The following ZNFX1 variants were observed in gnomAD, a reference collection of about 807,000 sequenced individuals.
The protein encoded by ZNFX1 is NFX1-type zinc finger-containing protein 1.
A neutral mutation model predicts 179.8 loss-of-function variants in ZNFX1; 78 were observed. The ratio of observed to expected loss-of-function variants is 0.43; its 90% confidence interval spans 0.36 to 0.52. ZNFX1 has a LOEUF of 0.52. Ranked by LOEUF, ZNFX1 falls within the 20% of genes least tolerant of loss-of-function variation. The pLI, the probability that ZNFX1 is intolerant of heterozygous loss-of-function variation, is 0.00. For missense variants in ZNFX1, 1,927 were observed against 2,386.6 expected (o/e 0.81, Z 4.01); for synonymous variants, 848 against 868.5 (o/e 0.98, Z 0.42).
chr20:49,249,604 C>T lies in ZNFX1; in HGVS notation c.3420G>A (p.Leu1140=), dbSNP rs1980787003. 6.2e-7 allele frequency: 1 copy of T among 1,614,138 alleles called. No homozygotes were observed. The highest frequency in any genetic ancestry group is 1.7e-5 in the Admixed American group (1 of 60,012). The part of the protein sequence containing the change: ...NQHEAHFVVE[L]CKYFLCQEYL... ...ATTCCTGGCACAGGAAGTACTTGCA[C>T]AGCTCTACCACAAAGTGAGCCTCAT... The change falls in exon 14 of 14, where the codon CTG becomes CTA. Residue 1140 remains leucine (L), a synonymous_variant. Transcript: ENST00000396105.
chr20:49,275,948 A>C (rs1601000295), intron 1 of ZNFX1, 61 bp from the exon 2 acceptor site: 27 of 1,053,340 alleles, frequency 2.6e-5, no homozygotes, highest in East Asian at 4.9e-5. Flanking sequence ...AAACCCAAAC[A>C]CCATCAAGCC....
At chr20:49,258,252 C>T (rs946112101) in intron 7 of ZNFX1, among the ~76,000 whole-genome samples, 8 of 150,896 alleles carry the variant, frequency 5.3e-5, no homozygotes, top group Non-Finnish European at 1.2e-4. Context: ...TGCACCACCA[C>T]GCCCAGCTAA....
chr20:49,250,340 G>C (rs1361416332), intron 13 of ZNFX1, among the ~76,000 whole-genome samples: 1 of 152,150 alleles, frequency 6.6e-6, no homozygotes, highest in Non-Finnish European at 1.5e-5. Context: ...GGAGGATGAT[G>C]ATAATGACAG....
intron 12 of ZNFX1, 69 bp from the exon 13 acceptor site, chr20:49,251,691 G>C: frequency 1.4e-6 from 2 of 1,407,304 alleles, no homozygotes; most frequent in Non-Finnish European, 1.9e-6. Flanking sequence ...TTAAAGATAA[G>C]GTTGCTGTTA....
rs1278746573 is a variant in ZNFX1, at chr20:49,267,880, G to T, written c.1871-1614C>A. On this transcript the variant is annotated intron_variant, in intron 3 of 13. Transcript: ENST00000396105. ...CTTTCTTCATCCGTATAACAGTTTT[G>T]TTTTTTTTTTTGAGGTGGAGTCTTG... 3.7e-4 allele frequency among the ~76,000 whole-genome samples: 54 copies of T among 147,394 alleles called. 1 individual carries two copies. The South Asian group carries it at 7.8e-3, about 21-fold the overall frequency.
intron 8 of ZNFX1, 164 bp from the exon 9 acceptor site, chr20:49,256,111 A>C: frequency 1.1e-6 from 1 of 876,662 alleles, no homozygotes; most frequent in Non-Finnish European, 1.7e-6. Flanking sequence ...GTGGCTAAAC[A>C]AGGACTCTGG....
chr20:49,269,976 C>A lies in ZNFX1; in HGVS notation c.1836G>T (p.Arg612Ser). Reference sequence around the variant, plus strand: ...GAGGTCCTTGAATAATAGCCAGTTCCCTTGTGAGAGCAAACTGCAAGGCTT... The same window carrying A: ...GAGGTCCTTGAATAATAGCCAGTTCACTTGTGAGAGCAAACTGCAAGGCTT... ...QMEALQFALT[R>S]ELAIIQGPPG... The change falls in exon 3 of 14, where the codon AGG (arginine) becomes AGT (serine). Residue 612 changes from arginine to serine, a missense_variant. Physicochemically the swap from Arg to Ser is moderately radical, Grantham distance 110. Coordinates refer to ENST00000396105, the MANE Select transcript of ZNFX1 (RefSeq NM_021035.3). The A allele has an allele frequency of 2.5e-6, 4 of 1,612,488 alleles. No homozygotes were observed. The highest frequency in any genetic ancestry group is 3.4e-6 in the Non-Finnish European group (4 of 1,179,652).
Position 49,260,289 on chromosome 20 carries a change from CA to C in ZNFX1, c.2416+173del, listed in dbSNP as rs11396262. 3.2e-3 allele frequency among the ~76,000 whole-genome samples: 373 copies of C among 116,640 alleles called. 1 individual carries two copies. Among genetic ancestry groups the C allele is most frequent in the Middle Eastern group, 0.014 (3 of 220 alleles). 76.5% of individuals were successfully genotyped at this position (116,640 alleles called of 152,430 possible). On this transcript the variant is annotated intron_variant, in intron 7 of 13. Transcript: ENST00000396105. ...GGGCAACAAGAGTGAAACTCCATCTCAAAAAAAAAAAAAAAAAGTATTTTAT... is the reference window on the plus strand; with the variant it reads ...GGGCAACAAGAGTGAAACTCCATCTCAAAAAAAAAAAAAAAAGTATTTTAT...
chr20:49,247,946 T>C lies in ZNFX1; in HGVS notation c.5078A>G (p.Asn1693Ser), dbSNP rs1228721924. The C allele has an allele frequency of 1.1e-5, 17 of 1,613,674 alleles. No individual in the cohort carries two copies. The highest frequency in any genetic ancestry group is 1.4e-5 in the Non-Finnish European group (17 of 1,179,930). The change falls in exon 14 of 14, where the codon AAT (asparagine) becomes AGT (serine). Residue 1693 changes from asparagine (N) to serine (S), a missense_variant. Coordinates refer to ENST00000396105, the MANE Select transcript of ZNFX1 (RefSeq NM_021035.3). ...LMLKEKLAQK[N>S]LSVKDLGLVE... ...CAGACCCAGGTCCTTCACTGACAGA[T>C]TTTTCTGGGCCAGCTTCTCCTTTAA...
At chr20:49,263,951 C>A (rs995950692) in intron 5 of ZNFX1, among the ~76,000 whole-genome samples, 1 of 151,728 alleles carries the variant, frequency 6.6e-6, no homozygotes, top group Non-Finnish European at 1.5e-5. Context: ...GGGCCGGGCG[C>A]GGTGGCTCAC....
chr20:49,267,419 C>G (rs1422887026), intron 3 of ZNFX1, among the ~76,000 whole-genome samples: 1 of 152,000 alleles, frequency 6.6e-6, no homozygotes, highest in Non-Finnish European at 1.5e-5. Flanking sequence ...CCCATCTCAG[C>G]CTCCCAAGTA....
chr20:49,253,145 G>A (rs1188387805), intron 11 of ZNFX1, among the ~76,000 whole-genome samples: 1 of 152,120 alleles, frequency 6.6e-6, no homozygotes, highest in Non-Finnish European at 1.5e-5. Flanking sequence ...AATGGGGAGC[G>A]GAAAGGACAC....
intron 3 of ZNFX1, among the ~76,000 whole-genome samples, chr20:49,267,812 C>T (rs1389354522): frequency 1.3e-5 from 2 of 151,994 alleles, no homozygotes; most frequent in African/African-American, 4.8e-5. Flanking sequence ...TCAGTACATA[C>T]TTCCCACCTC....
chr20:49,267,345 T>C (rs746621473), intron 3 of ZNFX1, among the ~76,000 whole-genome samples: 4 of 152,124 alleles, frequency 2.6e-5, no homozygotes, highest in Admixed American at 1.3e-4. Flanking sequence ...GGCCCTATGT[T>C]GTCCAGACTG....
intron 13 of ZNFX1, 143 bp downstream of exon 13, chr20:49,251,384 G>A (rs1205182429): frequency 3.5e-6 from 2 of 570,710 alleles, no homozygotes; most frequent in Non-Finnish European, 6.2e-6. Flanking sequence ...CAAGTGATCT[G>A]CCCACCTCAG....
In ZNFX1 at chr20:49,249,706, C is replaced by CT; in HGVS notation, c.3317_3318insA (p.Ser1107ValfsTer13). ...GTTCTACAAAGAAAAGGTTGGAAGA[C>CT]ACCCCCTGACAGGGAAAAGAAGTGA... is the stretch of plus-strand genomic sequence containing the variant. On this transcript the variant is annotated frameshift_variant, in exon 14 of 14. Transcript: ENST00000396105. LOFTEE classifies it high-confidence loss of function. 1 of 1,606,568 alleles carries CT rather than the reference C, an allele frequency of 6.2e-7. No homozygotes were observed. The highest frequency in any genetic ancestry group is 8.5e-7 in the Non-Finnish European group (1 of 1,175,180).
Position 49,276,964 on chromosome 20 carries a change from C to T in ZNFX1, c.-49+1057G>A, listed in dbSNP as rs372067066. Among the ~76,000 whole-genome samples the T allele has an allele frequency of 1.1e-4, 16 of 150,606 alleles. 1 individual carries two copies. Among genetic ancestry groups the T allele is most frequent in the South Asian group, 8.4e-4 (4 of 4,780 alleles). ...TCCTTCTTCCCCTTGTTGAAAAATGCTAAAATAGAAACTCCAGAAAATTTA... is the reference window on the plus strand; with the variant it reads ...TCCTTCTTCCCCTTGTTGAAAAATGTTAAAATAGAAACTCCAGAAAATTTA... On this transcript the variant is annotated intron_variant, in intron 1 of 13. Coordinates refer to ENST00000396105, the MANE Select transcript of ZNFX1 (RefSeq NM_021035.3).
In ZNFX1 at chr20:49,247,818, G is replaced by A; in HGVS notation, c.5206C>T (p.Gln1736Ter). 1 of 1,614,150 alleles carries A rather than the reference G, an allele frequency of 6.2e-7. No homozygotes were observed. The highest frequency in any genetic ancestry group is 8.5e-7 in the Non-Finnish European group (1 of 1,180,024). The change falls in exon 14 of 14, where the codon CAG (glutamine) becomes TAG (stop). Residue 1736 changes from glutamine (Q) to a stop codon, truncating the protein, a stop_gained. Transcript: ENST00000396105. LOFTEE classifies it high-confidence loss of function. ...EEKRVRTRLE[Q>*]VHEWLAKKRL... Reference sequence around the variant, plus strand: ...TTCTTGGCCAGCCACTCATGGACCTGTTCTAGTCGAGTCCTCACTCTTTTC... The same window carrying A: ...TTCTTGGCCAGCCACTCATGGACCTATTCTAGTCGAGTCCTCACTCTTTTC...
At position 49,271,630 on chromosome 20, in the gene ZNFX1, G is replaced by A; in HGVS notation, c.182C>T (p.Ala61Val). 6.2e-7 allele frequency: 1 copy of A among 1,614,094 alleles called. No homozygotes were observed. Among genetic ancestry groups the A allele is most frequent in the Non-Finnish European group, 8.5e-7 (1 of 1,180,022 alleles). Reference sequence around the variant, plus strand: ...TCTCTCTTCCCTCTGCCAGTAAGCAGCAGGATGGTTGTTGGCCCTAGGATG... The same window carrying A: ...TCTCTCTTCCCTCTGCCAGTAAGCAACAGGATGGTTGTTGGCCCTAGGATG... ...GRHPRANNHP[A>V]AYWQREERFR... The change falls in exon 3 of 14, where the codon GCT becomes GTT. Residue 61 changes from alanine to valine, a missense_variant. By Grantham distance (64) the Ala-to-Val change is moderately conservative (BLOSUM62 0). Coordinates refer to ENST00000396105, the MANE Select transcript of ZNFX1 (RefSeq NM_021035.3).
Sources: allele counts gnomAD v4.1 joint callset (sites outside exome capture counted in the v4.1 genomes callset), GRCh38; gene constraint gnomAD v4.1.1; transcripts MANE v1.5; gene names NCBI Gene and HGNC (gene_info 2026-07-23, HGNC 2026-07-21).